AGPAT5: variants seen among roughly 807,000 people sequenced by gnomAD.
AGPAT5 encodes 1-acylglycerol-3-phosphate O-acyltransferase 5.
In AGPAT5, 46 loss-of-function variants were observed where a neutral mutation model predicts 45.6. The ratio of observed to expected loss-of-function variants is 1.01; its 90% CI spans 0.80 to 1.29. The LOEUF (loss-of-function observed/expected upper bound fraction) is 1.29. Ranked by LOEUF, AGPAT5 falls within the 50% of genes most tolerant of loss-of-function variation. AGPAT5 has a pLI of 0.00. For missense variants in AGPAT5, 673 were observed against 450.7 expected (o/e 1.49, Z -4.47); for synonymous variants, 272 against 167.0 (o/e 1.63, Z -4.85).
chr8:6,723,711 A>G (rs1024188398), intron 1 of AGPAT5, among the ~76,000 whole-genome samples: 11 of 152,210 alleles, frequency 7.2e-5, no homozygotes, highest in Non-Finnish European at 1.5e-4. Flanking sequence ...ATGTTTAAAC[A>G]TACTACATAC....
chr8:6,709,118 G>T (rs1254284670), intron 1 of AGPAT5: 2 of 590,016 alleles, frequency 3.4e-6, no homozygotes, highest in Non-Finnish European at 6.1e-6. Context: ...GGGACCCGCC[G>T]CCCCTTTCCC....
intron 1 of AGPAT5, among the ~76,000 whole-genome samples, chr8:6,721,935 C>G (rs1054688238): frequency 3.3e-5 from 5 of 151,952 alleles, no homozygotes; most frequent in African/African-American, 1.2e-4. Flanking sequence ...CCAAGCGATT[C>G]TTCTGCTTGA....
At chr8:6,727,450 C>G (rs543661118) in intron 2 of AGPAT5, among the ~76,000 whole-genome samples, 1 of 152,104 alleles carries the variant, frequency 6.6e-6, no homozygotes, top group South Asian at 2.1e-4. Flanking sequence ...GGTGCAATCT[C>G]AGCTCACTGC....
chr8:6,738,896 C>T (rs1436265755), intron 4 of AGPAT5, among the ~76,000 whole-genome samples: 1 of 151,896 alleles, frequency 6.6e-6, no homozygotes, highest in Non-Finnish European at 1.5e-5. Context: ...CCTTGCCAAA[C>T]TTAAGGTTGC....
chr8:6,725,889 G>C (rs767552603), intron 2 of AGPAT5, among the ~76,000 whole-genome samples: 5 of 152,008 alleles, frequency 3.3e-5, no homozygotes, highest in African/African-American at 7.3e-5. Flanking sequence ...CTTCCTGTCA[G>C]CTGTCTCTTC....
intron 6 of AGPAT5, among the ~76,000 whole-genome samples, chr8:6,750,161 C>G (rs1400488897): frequency 6.6e-6 from 1 of 152,230 alleles, no homozygotes; most frequent in Admixed American, 6.5e-5. Flanking sequence ...CTTCTCCTGC[C>G]CCTGCTCTTG....
At position 6,708,688 on chromosome 8, in the gene AGPAT5, T is replaced by A; in HGVS notation, c.20T>A (p.Leu7His). Reference protein sequence around the residue: MLLSLVLHTYSMRYLLP... With the variant: MLLSLVHHTYSMRYLLP... ...GAGAAGATGCTGCTGTCCCTGGTGC[T>A]CCACACGTACTCCATGCGCTACCTG... The change falls in exon 1 of 8, where the codon CTC (leucine) becomes CAC (histidine). Residue 7 changes from leucine to histidine, a missense_variant. Physicochemically the swap from Leu to His is moderately conservative, Grantham distance 99. Coordinates refer to ENST00000285518, the MANE Select transcript of AGPAT5 (RefSeq NM_018361.5). 6.2e-7 allele frequency: 1 copy of A among 1,601,172 alleles called. No individual in the cohort carries two copies. The highest frequency in any genetic ancestry group is 8.5e-7 in the Non-Finnish European group (1 of 1,178,540).
In AGPAT5 at chr8:6,741,705, GCAAA is replaced by G; in HGVS notation, c.545_548del (p.Thr182LysfsTer18). 6.2e-7 allele frequency: 1 copy of G among 1,612,792 alleles called. No individual in the cohort carries two copies. The highest frequency in any genetic ancestry group is 8.5e-7 in the Non-Finnish European group (1 of 1,179,360). ...CAGAAGGTACAAGGTATAATCCAGA[GCAAA>G]CAAAAGTCCTTTCAGCTAGTCAGGC... On this transcript the variant is annotated frameshift_variant, in exon 5 of 8. Transcript: ENST00000285518. LOFTEE classifies it high-confidence loss of function.
At chr8:6,746,637 G>T (rs867663422) in intron 5 of AGPAT5, among the ~76,000 whole-genome samples, 13 of 152,262 alleles carry the variant, frequency 8.5e-5, no homozygotes, top group African/African-American at 3.1e-4. Context: ...CTGCCCTGGG[G>T]ACTAAAGTCA....
chr8:6,747,428 T>C (rs565730524), intron 5 of AGPAT5, among the ~76,000 whole-genome samples: 1 of 152,350 alleles, frequency 6.6e-6, no homozygotes, highest in South Asian at 2.1e-4. Context: ...GGCCATAAAC[T>C]TCCAACACGG....
intron 1 of AGPAT5, among the ~76,000 whole-genome samples, chr8:6,712,870 T>C (rs938941384): frequency 6.6e-6 from 1 of 152,056 alleles, no homozygotes; most frequent in Non-Finnish European, 1.5e-5. Context: ...TGTCTTCAAA[T>C]GTCAGAATTC....
In AGPAT5 at chr8:6,740,627, G is replaced by T. The variant is rs139858453; in HGVS notation, c.496-1034G>T. Among the ~76,000 whole-genome samples the T allele has an allele frequency of 6.6e-3, 998 of 152,018 alleles. 15 individuals are homozygous for T. Among genetic ancestry groups the T allele is most frequent in the African/African-American group, 0.023 (964 of 41,504 alleles). On this transcript the variant is annotated intron_variant, in intron 4 of 7. Transcript: ENST00000285518. ...AAAAAGCTTGCATATTTGCGTGGAA[G>T]CTGAAAGTACGAAATTTTTAGATAC... is the stretch of plus-strand genomic sequence containing the variant.
At chr8:6,709,893 C>G (rs1048365915) in intron 1 of AGPAT5, among the ~76,000 whole-genome samples, 1 of 151,958 alleles carries the variant, frequency 6.6e-6, no homozygotes, top group Admixed American at 6.6e-5. Context: ...GTAAGTGTCT[C>G]CTTGGAAAGA....
intron 4 of AGPAT5, among the ~76,000 whole-genome samples, chr8:6,740,344 C>T (rs1172150164): frequency 6.6e-6 from 1 of 151,756 alleles, no homozygotes; most frequent in Non-Finnish European, 1.5e-5. Flanking sequence ...TAATGTTTGT[C>T]TTCCTGTTTT....
chr8:6,735,401 G>A (rs1257772467), intron 4 of AGPAT5, among the ~76,000 whole-genome samples: 1 of 152,204 alleles, frequency 6.6e-6, no homozygotes, highest in Non-Finnish European at 1.5e-5. Context: ...CAGGAGGTCT[G>A]TGGGTCGAGC....
chr8:6,718,900 C>G (rs1475370462), intron 1 of AGPAT5, among the ~76,000 whole-genome samples: 1 of 152,172 alleles, frequency 6.6e-6, no homozygotes, highest in African/African-American at 2.4e-5. Flanking sequence ...ATTACCTAAA[C>G]ACAGCAAGTA....
chr8:6,711,188 G>T (rs1167882846), intron 1 of AGPAT5, among the ~76,000 whole-genome samples: 1 of 152,152 alleles, frequency 6.6e-6, no homozygotes, highest in African/African-American at 2.4e-5. Context: ...CTTTTACATA[G>T]AATTTTTAAG....
In AGPAT5 at chr8:6,730,737, G is replaced by C. The variant is rs145228795; in HGVS notation, c.316G>C (p.Ala106Pro). The change falls in exon 3 of 8, where the codon GCC becomes CCC. Residue 106 changes from alanine (A) to proline (P), a missense_variant. Transcript: ENST00000285518. ...TGACTGGATTGTTGCTGACATCTTG[G>C]CCATCAGGCAGAATGCGCTAGGACA... ...TVDWIVADILAIRQNALGHVR... is the reference protein window; with the variant it reads ...TVDWIVADILPIRQNALGHVR... 6.2e-7 allele frequency: 1 copy of C among 1,613,134 alleles called. No homozygotes were observed. The highest frequency in any genetic ancestry group is 1.3e-5 in the African/African-American group (1 of 74,890).
chr8:6,727,944 C>A (rs1456561912), intron 2 of AGPAT5, among the ~76,000 whole-genome samples: 1 of 152,162 alleles, frequency 6.6e-6, no homozygotes. Context: ...GAGGCTGTCT[C>A]CTAATCCTGG....
Sources: gnomAD v4.1 joint callset for allele counts (sites outside exome capture counted in the v4.1 genomes callset) on GRCh38, gnomAD v4.1.1 for gene constraint, MANE v1.5 for transcripts, NCBI Gene and HGNC (gene_info 2026-07-23, HGNC 2026-07-21) for gene names.